COMMD6: variants seen among roughly 807,000 people sequenced by gnomAD.
The protein encoded by COMMD6 is COMM domain-containing protein 6.
In COMMD6, 11 loss-of-function variants were observed where a neutral mutation model predicts 13.4. That is an observed-to-expected ratio of 0.82 (90% confidence interval 0.52 to 1.36). The LOEUF is 1.36. Ranked by LOEUF, COMMD6 falls within the 40% of genes most tolerant of loss-of-function variation. The probability of loss-of-function intolerance (pLI) is 0.00; values close to 1 mark genes in which losing one functional copy is unlikely to be tolerated. For synonymous variants in COMMD6, 43 were observed against 36.5 expected (o/e 1.18, Z -0.64); for missense variants, 124 against 102.4 (o/e 1.21, Z -0.91).
At chr13:75,549,116 C>A (rs1355202800) in intron 1 of COMMD6, among the ~76,000 whole-genome samples, 1 of 152,220 alleles carries the variant, frequency 6.6e-6, no homozygotes, top group Non-Finnish European at 1.5e-5. Context: ...ATAGGTACCA[C>A]GCTTTTTATC....
intron 3 of COMMD6, chr13:75,527,891 CT>C: frequency 2.0e-6 from 3 of 1,482,334 alleles, no homozygotes; most frequent in South Asian, 1.5e-5. Context: ...AAGGTACAAA[CT>C]TTTGGTTACA....
At position 75,526,599 on chromosome 13, in the gene COMMD6, T is replaced by A; in HGVS notation, c.248A>T (p.Glu83Val). 1.2e-6 allele frequency: 2 copies of A among 1,606,134 alleles called. No individual in the cohort carries two copies. Among genetic ancestry groups the A allele is most frequent in the Non-Finnish European group, 1.7e-6 (2 of 1,174,820 alleles). The stretch of plus-strand genomic sequence containing the variant: ...CCAAAGAATCCGTCTTCACACCGTT[T>A]CAATAACTGCAGCAATTTCCTTGAA... Reference protein sequence around the residue: ...RQFKEIAAVIETV With the variant: ...RQFKEIAAVIVTV Residue 83 changes from glutamate to valine, a missense_variant, in exon 4 of 4, where the codon GAA becomes GTA. Coordinates refer to ENST00000682242, the MANE Select transcript of COMMD6 (RefSeq NM_203495.4).
chr13:75,530,575 T>C (rs1198658747), intron 2 of COMMD6: 1 of 204,028 alleles, frequency 4.9e-6, no homozygotes, highest in African/African-American at 2.3e-5. Context: ...TTGGTTTCCT[T>C]TAACAGGCTT....
Position 75,530,130 on chromosome 13 carries a change from G to T in COMMD6, c.191C>A (p.Thr64Lys). 6.2e-7 allele frequency: 1 copy of T among 1,612,100 alleles called. No homozygotes were observed. Among genetic ancestry groups the T allele is most frequent in the Non-Finnish European group, 8.5e-7 (1 of 1,179,076 alleles). The change falls in exon 3 of 4, where the codon ACG becomes AAG. Residue 64 changes from threonine to lysine, a missense_variant. Transcript: ENST00000682242. ...ATCACAAACCTGAAACTGTGGAATC[G>T]TCATTTCAAAGCACTTGGTCTTTAC... The part of the protein sequence containing the change: ...GQVKTKCFEM[T>K]IPQFQNFYRQ...
chr13:75,533,585 AAAAG>A (rs1401367574), intron 2 of COMMD6, among the ~76,000 whole-genome samples: 1 of 151,832 alleles, frequency 6.6e-6, no homozygotes, highest in African/African-American at 2.4e-5. Context: ...AAAAAAAAAA[AAAAG>A]AGAGAGAGAG....
intron 1 of COMMD6, among the ~76,000 whole-genome samples, chr13:75,547,619 A>C (rs2030925597): frequency 6.6e-6 from 1 of 152,196 alleles, no homozygotes; most frequent in African/African-American, 2.4e-5. Context: ...GCTGCCCTCA[A>C]TACCATGATA....
intron 3 of COMMD6, among the ~76,000 whole-genome samples, chr13:75,528,786 G>A (rs752899620): frequency 2.6e-5 from 4 of 151,030 alleles, no homozygotes; most frequent in African/African-American, 9.8e-5. Context: ...AGGTTGCAGT[G>A]AGCCTAGATC....
chr13:75,537,872 C>T (rs1292780836), upstream of COMMD6: 1 of 1,497,190 alleles, frequency 6.7e-7, no homozygotes, highest in Non-Finnish European at 9.0e-7. Context: ...TCCGCTTCCA[C>T]GTCCTGCCCC....
intron 2 of COMMD6, chr13:75,537,303 T>A: frequency 6.5e-7 from 1 of 1,543,764 alleles, no homozygotes; most frequent in Non-Finnish European, 8.7e-7. Context: ...TCTTCAAAAA[T>A]AACTTAGAGA....
chr13:75,527,803 T>C, intron 3 of COMMD6: 1 of 1,490,856 alleles, frequency 6.7e-7, no homozygotes, highest in Non-Finnish European at 9.0e-7. Context: ...TCTAAAAAAG[T>C]CAAACTCACA....
rs577956703 is a variant in COMMD6, at chr13:75,526,798, A to G, written c.208-159T>C. ...GAAGGTTGCTGTAAGAAATAGGTGC[A>G]ATTTGGTACTGCAAGCAAAAATACT... On this transcript the variant is annotated intron_variant, in intron 3 of 3. Coordinates refer to ENST00000682242, the MANE Select transcript of COMMD6 (RefSeq NM_203495.4). Among the ~76,000 whole-genome samples, 31 of 152,304 alleles carry G rather than the reference A, an allele frequency of 2.0e-4. No individual in the cohort carries two copies. In the South Asian group the frequency reaches 6.4e-3, roughly 32 times the overall value.
At chr13:75,534,335 G>T (rs2030590533) in intron 2 of COMMD6, among the ~76,000 whole-genome samples, 1 of 152,188 alleles carries the variant, frequency 6.6e-6, no homozygotes, top group African/African-American at 2.4e-5. Flanking sequence ...ATTGTCAGGT[G>T]AGGAAACGGA....
chr13:75,533,082 C>A (rs982531366), intron 2 of COMMD6, among the ~76,000 whole-genome samples: 2 of 151,934 alleles, frequency 1.3e-5, no homozygotes, highest in Non-Finnish European at 2.9e-5. Flanking sequence ...AGGCGCCCGC[C>A]ACCATGACGG....
chr13:75,544,338 AG>A (rs1185808006), intron 1 of COMMD6, among the ~76,000 whole-genome samples: 2 of 152,194 alleles, frequency 1.3e-5, no homozygotes, highest in Non-Finnish European at 2.9e-5. Flanking sequence ...CACTTAGAAA[AG>A]TTTTATGCCT....
chr13:75,537,449 G>GC, intron 2 of COMMD6: 4 of 1,551,444 alleles, frequency 2.6e-6, no homozygotes, highest in Non-Finnish European at 3.5e-6. Context: ...CATTCTTCGG[G>GC]CTAGTGCAGG....
At chr13:75,542,762 G>GCA (rs1337923227), upstream of COMMD6, among the ~76,000 whole-genome samples, 3 of 152,218 alleles carry the variant, frequency 2.0e-5, no homozygotes, top group Admixed American at 2.0e-4. Context: ...AAAGGTAGAG[G>GCA]CAGAGGAGTT....
Position 75,547,004 on chromosome 13 carries a change from A to AT in COMMD6, n.106+2318dup, listed in dbSNP as rs374864092. ...GTGTATTTCTGTTTAAAAACACCTT[A>AT]TGTAATATATATTGTTGATTCATTA... is the stretch of plus-strand genomic sequence containing the variant. On this transcript the variant is annotated intron_variant and non_coding_transcript_variant, in intron 1 of 2. Coordinates refer to the COMMD6 transcript ENST00000460675. Among the ~76,000 whole-genome samples, 174 of 152,096 alleles carry AT rather than the reference A, an allele frequency of 1.1e-3. 1 individual carries two copies. Among genetic ancestry groups the AT allele is most frequent in the African/African-American group, 4.1e-3 (172 of 41,574 alleles).
At chr13:75,534,060 C>T (rs955997775) in intron 2 of COMMD6, among the ~76,000 whole-genome samples, 10 of 151,914 alleles carry the variant, frequency 6.6e-5, no homozygotes, top group Non-Finnish European at 1.5e-4. Flanking sequence ...GCCTAGACCT[C>T]CTGGGCTCAA....
chr13:75,526,357 A>G lies in COMMD6; in HGVS notation c.*232T>C. The G allele has an allele frequency of 2.4e-6, 1 of 411,146 alleles. No homozygotes were observed. 25.5% of individuals were successfully genotyped at this position (411,146 alleles called of 1,614,324 possible). On this transcript the variant is annotated 3_prime_UTR_variant, in exon 4 of 4. Coordinates refer to ENST00000682242, the MANE Select transcript of COMMD6 (RefSeq NM_203495.4). ...TGATTACATCATTCACATTATCACCAAGTATATCCTCTAAAGTGTCTAATT... is the reference window on the plus strand; with the variant it reads ...TGATTACATCATTCACATTATCACCGAGTATATCCTCTAAAGTGTCTAATT...
Sources: gnomAD v4.1 joint callset for allele counts (sites outside exome capture counted in the v4.1 genomes callset) on GRCh38, gnomAD v4.1.1 for gene constraint, MANE v1.5 for transcripts, NCBI Gene and HGNC (gene_info 2026-07-23, HGNC 2026-07-21) for gene names.